Variants in SFXN5 observed in about 807,000 individuals in gnomAD.
The protein encoded by SFXN5 is sideroflexin-5.
A neutral mutation model predicts 50.2 loss-of-function variants in SFXN5; 43 were observed. The ratio of observed to expected loss-of-function variants is 0.86; its 90% confidence interval spans 0.67 to 1.11. The LOEUF (loss-of-function observed/expected upper bound fraction) is 1.11. SFXN5 is among the 50% of genes least tolerant of loss of function. The pLI is 0.00. For missense variants in SFXN5, 463 were observed against 454.1 expected (o/e 1.02, Z -0.18); for synonymous variants, 203 against 185.8 (o/e 1.09, Z -0.75).
At chr2:73,065,225 C>T (rs1683090129) in intron 1 of SFXN5, among the ~76,000 whole-genome samples, 1 of 152,120 alleles carries the variant, frequency 6.6e-6, no homozygotes, top group Non-Finnish European at 1.5e-5. Flanking sequence ...CCCAGCCTCC[C>T]AAGTAGCTGG....
At chr2:73,068,359 T>C (rs1423070641) in intron 1 of SFXN5, among the ~76,000 whole-genome samples, 1 of 152,140 alleles carries the variant, frequency 6.6e-6, no homozygotes, top group Non-Finnish European at 1.5e-5. Context: ...GACACAGAGA[T>C]GTGGGCTGGG....
chr2:73,037,333 G>C (rs1679114639), intron 3 of SFXN5, among the ~76,000 whole-genome samples: 1 of 152,116 alleles, frequency 6.6e-6, no homozygotes, highest in Admixed American at 6.6e-5. Flanking sequence ...ACTTCATCCA[G>C]CTTCCTACCT....
intron 2 of SFXN5, among the ~76,000 whole-genome samples, chr2:73,041,210 T>C (rs1455054071): frequency 6.6e-6 from 1 of 152,228 alleles, no homozygotes; most frequent in Non-Finnish European, 1.5e-5. Flanking sequence ...ATGCTGTTTG[T>C]TGTACCAAAT....
intron 13 of SFXN5, among the ~76,000 whole-genome samples, chr2:72,949,598 C>T (rs1442456494): frequency 1.3e-5 from 2 of 151,148 alleles, no homozygotes; most frequent in African/African-American, 4.9e-5. Flanking sequence ...CATGAGCCAC[C>T]GTGCCTGGCC....
At chr2:73,001,774 A>G (rs1673946617) in intron 6 of SFXN5, among the ~76,000 whole-genome samples, 196 bp from the exon 7 acceptor site, 1 of 152,230 alleles carries the variant, frequency 6.6e-6, no homozygotes, top group South Asian at 2.1e-4. Context: ...ATTATATTAC[A>G]GCATAATCTT....
At chr2:72,969,177 C>T (rs1048827493) in intron 11 of SFXN5, among the ~76,000 whole-genome samples, 1 of 152,112 alleles carries the variant, frequency 6.6e-6, no homozygotes, top group Non-Finnish European at 1.5e-5. Context: ...GTGGGGAACA[C>T]TCAGGCAGCC....
At chr2:73,045,539 G>T (rs1680212406) in intron 2 of SFXN5, among the ~76,000 whole-genome samples, 1 of 152,090 alleles carries the variant, frequency 6.6e-6, no homozygotes, top group Admixed American at 6.6e-5. Flanking sequence ...ACTGTGGCGG[G>T]GGGTGGGGGT....
chr2:73,059,132 C>G lies in SFXN5; in HGVS notation c.103-536G>C. Reference sequence around the variant, plus strand: ...TCCTTCACCCACAGCCCTGTAGCTGCTGAAGTGCAGGACAAGGGGCAGCTC... The same window carrying G: ...TCCTTCACCCACAGCCCTGTAGCTGGTGAAGTGCAGGACAAGGGGCAGCTC... On this transcript the variant is annotated intron_variant, in intron 1 of 13. Transcript: ENST00000272433. 3.0e-6 allele frequency: 3 copies of G among 985,600 alleles called. No homozygotes were observed. The South Asian group carries it at 1.4e-4, about 46-fold the overall frequency. 61.1% of individuals were successfully genotyped at this position (985,600 alleles called of 1,614,324 possible). A position where few individuals can be genotyped will look rare whatever the true frequency, so the allele number is the denominator to read the frequency against.
chr2:72,996,374 A>AC (rs1673234539), intron 9 of SFXN5: 1 of 152,306 alleles, frequency 6.6e-6, no homozygotes, highest in African/African-American at 2.4e-5. Flanking sequence ...TGTCTTCAGA[A>AC]CCCATACCCC....
In SFXN5 at chr2:72,992,061, C is replaced by T. The variant is rs961367237; in HGVS notation, c.535-3713G>A. On this transcript the variant is annotated intron_variant, in intron 9 of 13. Coordinates refer to ENST00000272433, the MANE Select transcript of SFXN5 (RefSeq NM_144579.3). This position sits in a 1 kb window ranked among gnomAD's most constrained non-coding sequence, Gnocchi z 4.5. The stretch of plus-strand genomic sequence containing the variant: ...CAGCAGACAGGGCTTCTTGGAAAAC[C>T]AGGGCTCAGGCCCCACAGGACATCA... Among the ~76,000 whole-genome samples, 7 of 152,310 alleles carry T rather than the reference C, an allele frequency of 4.6e-5. No individual in the cohort carries two copies. Among genetic ancestry groups the T allele is most frequent in the Admixed American group, 3.9e-4 (6 of 15,302 alleles).
intron 6 of SFXN5, among the ~76,000 whole-genome samples, chr2:73,008,186 C>T (rs1674968961): frequency 1.3e-5 from 2 of 152,190 alleles, no homozygotes; most frequent in Admixed American, 6.5e-5. Flanking sequence ...TGAAGGAGTG[C>T]AAAGTACAGA....
chr2:73,050,066 T>C (rs1241639602), intron 2 of SFXN5, among the ~76,000 whole-genome samples: 2 of 151,574 alleles, frequency 1.3e-5, no homozygotes, highest in African/African-American at 2.4e-5. Context: ...TTTGATTCCA[T>C]GTCCTGCCTT....
intron 6 of SFXN5, among the ~76,000 whole-genome samples, chr2:73,010,569 C>G (rs1018178586): frequency 2.0e-5 from 3 of 152,222 alleles, no homozygotes; most frequent in Non-Finnish European, 2.9e-5. Context: ...GTTTAAGCCA[C>G]TGTTATTTTG....
chr2:72,982,735 C>T (rs1671467052), intron 10 of SFXN5, among the ~76,000 whole-genome samples: 1 of 152,174 alleles, frequency 6.6e-6, no homozygotes, highest in Non-Finnish European at 1.5e-5. Context: ...TCACAAAGGC[C>T]TGGTAGTCGA....
chr2:72,945,209 C>A lies in SFXN5; in HGVS notation c.946-110G>T. 1 of 986,176 alleles carries A rather than the reference C, an allele frequency of 1.0e-6. No homozygotes were observed. Among genetic ancestry groups the A allele is most frequent in the Non-Finnish European group, 1.6e-6 (1 of 643,694 alleles). The allele number at this position is 986,176 out of a possible 1,614,324, so 61.1% of individuals were successfully genotyped here. On this transcript the variant is annotated intron_variant, in intron 13 of 13. Coordinates refer to ENST00000272433, the MANE Select transcript of SFXN5 (RefSeq NM_144579.3). The surrounding 1 kb of genome is among the most constrained non-coding windows in gnomAD (Gnocchi z 5.8). ...GGCCCCAGAGCTCTGCCCCCTGCACCCCCGTGTCCACCCCAGCCAGGGCTC... is the reference window on the plus strand; with the variant it reads ...GGCCCCAGAGCTCTGCCCCCTGCACACCCGTGTCCACCCCAGCCAGGGCTC...
chr2:73,037,111 T>C (rs73945735), intron 3 of SFXN5, among the ~76,000 whole-genome samples: 9,266 of 152,240 alleles, frequency 0.061, 338 homozygotes, highest in East Asian at 0.15. Context: ...CCTCCTTCTG[T>C]AGGGTCTTGC....
chr2:73,004,314 C>T (rs868389320), intron 6 of SFXN5, among the ~76,000 whole-genome samples: 7 of 115,912 alleles, frequency 6.0e-5, no homozygotes, highest in Middle Eastern at 3.9e-3. Context: ...TGAGTGCGCG[C>T]GCACACACAC....
intron 2 of SFXN5, among the ~76,000 whole-genome samples, chr2:73,043,987 C>T (rs1323284898): frequency 1.3e-5 from 2 of 152,190 alleles, no homozygotes; most frequent in African/African-American, 4.8e-5. Context: ...CTCAATGCCA[C>T]CAAAGCCTCC....
Position 73,031,342 on chromosome 2 carries a change from T to C in SFXN5, c.250-8128A>G, listed in dbSNP as rs555634727. Among the ~76,000 whole-genome samples the C allele has an allele frequency of 3.0e-4, 46 of 152,258 alleles. No homozygotes were observed. In the South Asian group the frequency reaches 3.1e-3, roughly 10 times the overall value. On this transcript the variant is annotated intron_variant, in intron 3 of 13. Coordinates refer to ENST00000272433, the MANE Select transcript of SFXN5 (RefSeq NM_144579.3). ...TGTGGCTGCAGCCCAGCCTCAGCCA[T>C]GAAGATAGCACGACGCCCAAAGAGA...
Sources: allele counts gnomAD v4.1 joint callset (sites outside exome capture counted in the v4.1 genomes callset), GRCh38; gene constraint gnomAD v4.1.1; non-coding constraint Gnocchi (gnomAD v3.1); transcripts MANE v1.5; gene names NCBI Gene and HGNC (gene_info 2026-07-23, HGNC 2026-07-21).